The following CCDC9 variants were observed in gnomAD, a reference collection of about 807,000 sequenced individuals.
CCDC9 encodes the protein coiled-coil domain containing 9.
In CCDC9, 52 loss-of-function variants were observed where a neutral mutation model predicts 65.6. That is an observed-to-expected ratio of 0.79 (90% CI 0.63 to 1.00). CCDC9 has a LOEUF of 1.00. Among genes scored for constraint, CCDC9 ranks in the 50% least tolerant of loss-of-function variants. The pLI is 0.00. For synonymous variants in CCDC9, 332 were observed against 280.3 expected, an observed-to-expected ratio of 1.18 and a Z score of -1.84; for missense variants, 834 against 757.2, an observed-to-expected ratio of 1.10 and a Z score of -1.19.
At chr19:47,265,015 G>C in intron 7 of CCDC9, 69 bp downstream of exon 7, 1 of 1,323,116 alleles carries the variant, frequency 7.6e-7, no homozygotes, top group Non-Finnish European at 9.8e-7. Flanking sequence ...GCAGGAACCA[G>C]ACAGATCAGG....
chr19:47,257,481 T>C (rs1368806925), intron 1 of CCDC9: 3 of 149,812 alleles, frequency 2.0e-5, no homozygotes, highest in African/African-American at 4.9e-5. Context: ...TCCCGAGCCG[T>C]GGGCGGGGCC....
chr19:47,275,438 T>C, downstream of CCDC9: 1 of 1,437,560 alleles, frequency 7.0e-7, no homozygotes, highest in Non-Finnish European at 9.2e-7. Flanking sequence ...GGTCCGGCCT[T>C]CTTCCTAATG....
chr19:47,258,271 G>A, intron 1 of CCDC9, 59 bp from the exon 2 acceptor site: 1 of 909,732 alleles, frequency 1.1e-6, no homozygotes, highest in Admixed American at 1.8e-5. Flanking sequence ...CAGTATGTTA[G>A]AGGGTGAAGT....
intron 10 of CCDC9, 111 bp from the exon 11 acceptor site, chr19:47,270,971 C>T: frequency 1.2e-6 from 1 of 854,446 alleles, no homozygotes; most frequent in Non-Finnish European, 1.9e-6. Flanking sequence ...CTCAGCCCTC[C>T]ACCATGCCAG....
chr19:47,266,303 G>C (rs1313609579), intron 7 of CCDC9: 1 of 332,654 alleles, frequency 3.0e-6, no homozygotes, highest in African/African-American at 2.1e-5. Context: ...CGGGAGAAGA[G>C]TTTGGAGGCA....
downstream of CCDC9, among the ~76,000 whole-genome samples, chr19:47,273,157 C>T (rs1398955860): frequency 6.6e-6 from 1 of 152,106 alleles, no homozygotes; most frequent in Non-Finnish European, 1.5e-5. Context: ...CGATTGTAAA[C>T]GGTTATGTTG....
At chr19:47,269,827 A>C (rs2059103969) in intron 8 of CCDC9, among the ~76,000 whole-genome samples, 1 of 152,154 alleles carries the variant, frequency 6.6e-6, no homozygotes, top group Non-Finnish European at 1.5e-5. Context: ...GGGAAAGGTC[A>C]GATAGGGAGT....
downstream of CCDC9, chr19:47,273,475 C>A: frequency 1.1e-6 from 1 of 892,328 alleles, no homozygotes; most frequent in Non-Finnish European, 1.5e-6. Context: ...GCCCGCCGGA[C>A]CGCGGCCTCC....
chr19:47,266,453 G>C (rs1209997493), intron 7 of CCDC9, 158 bp from the exon 8 acceptor site: 1 of 1,111,374 alleles, frequency 9.0e-7, no homozygotes, highest in Non-Finnish European at 1.2e-6. Context: ...AGATCTGAGA[G>C]GGCCTCTGTG....
intron 5 of CCDC9, among the ~76,000 whole-genome samples, 153 bp downstream of exon 5, chr19:47,260,992 ACCT>A (rs1341713775): frequency 6.9e-6 from 1 of 145,326 alleles, no homozygotes; most frequent in Non-Finnish European, 1.5e-5. Context: ...CTCTTCCTCC[ACCT>A]CCTTCTCCTC....
intron 5 of CCDC9, among the ~76,000 whole-genome samples, chr19:47,261,230 C>T (rs2123449614): frequency 6.6e-6 from 1 of 152,196 alleles, no homozygotes; most frequent in East Asian, 1.9e-4. Flanking sequence ...ATCCTCCGTC[C>T]CCATCTCTCC....
At chr19:47,275,368 C>G (rs760503501), downstream of CCDC9, 87 of 1,532,408 alleles carry the variant, frequency 5.7e-5, no homozygotes, top group African/African-American at 8.5e-4. Flanking sequence ...CCACCCCAAC[C>G]CGGATCGCCA....
chr19:47,259,101 G>C (rs1027182989), intron 3 of CCDC9, among the ~76,000 whole-genome samples: 8 of 152,220 alleles, frequency 5.3e-5, no homozygotes, highest in African/African-American at 1.9e-4. Context: ...TGAGGCTTGA[G>C]TGGTGAGTAG....
downstream of CCDC9, among the ~76,000 whole-genome samples, chr19:47,272,865 A>G (rs1300609598): frequency 2.6e-5 from 4 of 152,192 alleles, no homozygotes; most frequent in Admixed American, 6.5e-5. Flanking sequence ...TACACTCCGT[A>G]GGAGTAAGAT....
Position 47,263,843 on chromosome 19 carries a change from C to T in CCDC9, c.463-760C>T, listed in dbSNP as rs185849960. On this transcript the variant is annotated intron_variant, in intron 5 of 11. Transcript: ENST00000221922. ...CCTTCCAAAGTGCTGGGAATACAGG[C>T]GTGAGCCACTGTGCCCGACCCGTTA... is the stretch of plus-strand genomic sequence containing the variant. Among the ~76,000 whole-genome samples the T allele has an allele frequency of 4.4e-3, 662 of 151,706 alleles. 5 individuals are homozygous for T. The highest frequency in any genetic ancestry group is 5.1e-3 in the Non-Finnish European group (345 of 67,934).
Position 47,258,363 on chromosome 19 carries a change from G to T in CCDC9, c.-38G>T. On this transcript the variant is annotated 5_prime_UTR_variant, in exon 2 of 12. Transcript: ENST00000221922. ...AGTGCTGCGTCTAGATTCTGCAGGG[G>T]AGGTTTGCTGGGACCTTGGCTCCAC... The T allele has an allele frequency of 6.2e-7, 1 of 1,613,038 alleles. No individual in the cohort carries two copies. Among genetic ancestry groups the T allele is most frequent in the Non-Finnish European group, 8.5e-7 (1 of 1,179,024 alleles).
At position 47,271,728 on chromosome 19, in the gene CCDC9, TGTGTGCGCGCGCGCGCGCGC is replaced by T. The variant is rs779998998; in HGVS notation, c.*52_*71del. The T allele has an allele frequency of 7.1e-4, 648 of 913,894 alleles. No homozygotes were observed. In the African/African-American group the frequency reaches 8.8e-3, roughly 12 times the overall value. 56.6% of individuals were successfully genotyped at this position (913,894 alleles called of 1,614,324 possible). A position where few individuals can be genotyped will look rare whatever the true frequency, so the allele number is the denominator to read the frequency against. ...GTGTGTGTGTGTGTGTGTGTGTGTGTGTGTGCGCGCGCGCGCGCGCGCGCGCGCGCGCTAGAGGGGTGTGG... is the reference window on the plus strand; with the variant it reads ...GTGTGTGTGTGTGTGTGTGTGTGTGTGCGCGCGCGCGCTAGAGGGGTGTGG... On this transcript the variant is annotated 3_prime_UTR_variant, in exon 12 of 12. Transcript: ENST00000221922.
downstream of CCDC9, among the ~76,000 whole-genome samples, chr19:47,272,950 T>C (rs1243670427): frequency 2.0e-5 from 3 of 150,526 alleles, no homozygotes; most frequent in African/African-American, 4.9e-5. Context: ...GAAGGACTGG[T>C]TAGAATAGCA....
rs751963757 is a variant in CCDC9 at position 47,270,447 on chromosome 19, C to T, written c.943C>T (p.Arg315Cys). The change falls in exon 9 of 12, where the codon CGC becomes TGC. Residue 315 changes from arginine (R) to cysteine (C), a missense_variant. Coordinates refer to ENST00000221922, the MANE Select transcript of CCDC9 (RefSeq NM_015603.3). Reference protein sequence around the residue: ...GPVPAHEPSHRYDDQAWARPP... With the variant: ...GPVPAHEPSHCYDDQAWARPP... ...AGTCCCTGCCCATGAACCATCCCACCGCTATGGTGAGTGGGTGCCCTTGGA... is the reference window on the plus strand; with the variant it reads ...AGTCCCTGCCCATGAACCATCCCACTGCTATGGTGAGTGGGTGCCCTTGGA... The T allele has an allele frequency of 2.5e-5, 40 of 1,614,074 alleles. No individual in the cohort carries two copies. The highest frequency in any genetic ancestry group is 1.5e-4 in the Admixed American group (9 of 59,996).
Sources: allele counts gnomAD v4.1 joint callset (sites outside exome capture counted in the v4.1 genomes callset), GRCh38; gene constraint gnomAD v4.1.1; transcripts MANE v1.5; gene names NCBI Gene and HGNC (gene_info 2026-07-23, HGNC 2026-07-21).